A1CF: variants seen among roughly 807,000 people sequenced by gnomAD.
A1CF encodes the protein APOBEC-1 stimulating protein.
Under a neutral mutation model 68.9 loss-of-function variants are expected in A1CF, and 48 were observed. That is an observed-to-expected ratio of 0.70 (90% CI 0.55 to 0.89). The LOEUF (loss-of-function observed/expected upper bound fraction) is 0.89. Among genes scored for constraint, A1CF ranks in the 40% least tolerant of loss-of-function variants. The pLI is 0.00. For synonymous variants in A1CF, 272 were observed against 260.4 expected (o/e 1.04, Z -0.43); for missense variants, 653 against 718.9 (o/e 0.91, Z 1.05).
intron 1 of A1CF, among the ~76,000 whole-genome samples, chr10:50,867,959 T>C (rs980201589): frequency 3.3e-5 from 5 of 152,192 alleles, no homozygotes; most frequent in African/African-American, 4.8e-5. Context: ...CAAAGACTAT[T>C]TCTGACTTGG....
At chr10:50,837,212 C>T (rs1280481075) in intron 5 of A1CF, among the ~76,000 whole-genome samples, 1 of 152,180 alleles carries the variant, frequency 6.6e-6, no homozygotes, top group Admixed American at 6.5e-5. Context: ...GAACTTGAAA[C>T]TCCAAGAAAT....
chr10:50,813,552 T>C (rs1838221985), intron 10 of A1CF, among the ~76,000 whole-genome samples: 1 of 152,102 alleles, frequency 6.6e-6, no homozygotes, highest in African/African-American at 2.4e-5. Context: ...TGAGATGGGG[T>C]CTTTGCCTCA....
chr10:50,858,805 C>T (rs1210385256), intron 3 of A1CF, among the ~76,000 whole-genome samples: 1 of 151,960 alleles, frequency 6.6e-6, no homozygotes, highest in African/African-American at 2.4e-5. Context: ...ACTAATATGT[C>T]AGTATCTCCA....
At chr10:50,856,534 G>A (rs1408918607) in intron 3 of A1CF, among the ~76,000 whole-genome samples, 1 of 152,034 alleles carries the variant, frequency 6.6e-6, no homozygotes, top group Non-Finnish European at 1.5e-5. Flanking sequence ...TTTGTCACAT[G>A]CTCTAGGATG....
At position 50,801,799 on chromosome 10, in the gene A1CF, G is replaced by A. The variant is rs890874581; in HGVS notation, c.*4930C>T. 3 of 152,160 alleles carry A rather than the reference G, an allele frequency of 2.0e-5. No individual in the cohort carries two copies. The highest frequency in any genetic ancestry group is 4.1e-4 in the South Asian group (2 of 4,834). 9.4% of individuals were successfully genotyped at this position (152,160 alleles called of 1,614,324 possible). A position where few individuals can be genotyped will look rare whatever the true frequency, so the allele number is the denominator to read the frequency against. On this transcript the variant is annotated 3_prime_UTR_variant, in exon 13 of 13. Coordinates refer to ENST00000373997, the MANE Select transcript of A1CF (RefSeq NM_014576.4). ...TTCCAGGCATCTTCAGATGAATGAGGTATTTTGGTTTTCAGGTTATTTTCC... is the reference window on the plus strand; with the variant it reads ...TTCCAGGCATCTTCAGATGAATGAGATATTTTGGTTTTCAGGTTATTTTCC...
At chr10:50,866,024 G>A (rs1564530371) in intron 1 of A1CF, among the ~76,000 whole-genome samples, 5 of 152,174 alleles carry the variant, frequency 3.3e-5, no homozygotes, top group Non-Finnish European at 7.3e-5. Context: ...CTTTGGATCA[G>A]CAATTTTATA....
At chr10:50,829,052 T>C (rs1482422784) in intron 6 of A1CF, among the ~76,000 whole-genome samples, 1 of 152,210 alleles carries the variant, frequency 6.6e-6, no homozygotes, top group Non-Finnish European at 1.5e-5. Flanking sequence ...ACACATTTTA[T>C]TGAGTGTCTT....
In A1CF at chr10:50,805,772, G is replaced by A. The variant is rs990273018; in HGVS notation, c.*957C>T. ...GATACTGCAACAATATCAAAGAAATGAGAGCAAATCTGCACTTCTCTCTTT... is the reference window on the plus strand; with the variant it reads ...GATACTGCAACAATATCAAAGAAATAAGAGCAAATCTGCACTTCTCTCTTT... On this transcript the variant is annotated 3_prime_UTR_variant, in exon 13 of 13. Coordinates refer to ENST00000373997, the MANE Select transcript of A1CF (RefSeq NM_014576.4). 6.6e-6 allele frequency: 1 copy of A among 152,180 alleles called. No individual in the cohort carries two copies. The highest frequency in any genetic ancestry group is 6.5e-5 in the Admixed American group (1 of 15,274). 9.4% of individuals were successfully genotyped at this position (152,180 alleles called of 1,614,324 possible). A position where few individuals can be genotyped will look rare whatever the true frequency, so the allele number is the denominator to read the frequency against.
chr10:50,816,040 G>A lies in A1CF; in HGVS notation c.1107C>T (p.Ser369=). 1 of 1,613,774 alleles carries A rather than the reference G, an allele frequency of 6.2e-7. No individual in the cohort carries two copies. Among genetic ancestry groups the A allele is most frequent in the Non-Finnish European group, 8.5e-7 (1 of 1,179,798 alleles). Residue 369 remains serine (S), a synonymous_variant, in exon 9 of 13, where the codon AGC becomes AGT. Coordinates refer to ENST00000373997, the MANE Select transcript of A1CF (RefSeq NM_014576.4). ...AAGGGGCTCGGATAATGGCTCTGTT[G>A]CTGAGATGTCCTTTGGTGGCTGGGA... ...LHFPATKGHL[S]NRAIIRAPSV... is the part of the protein sequence containing the mutation.
chr10:50,832,839 C>T (rs143630422), intron 6 of A1CF, among the ~76,000 whole-genome samples: 2 of 151,518 alleles, frequency 1.3e-5, no homozygotes, highest in Non-Finnish European at 2.9e-5. Context: ...AGAATATGCA[C>T]TCTTTGAGTG....
chr10:50,823,007 G>A (rs898966325), intron 7 of A1CF: 25 of 152,166 alleles, frequency 1.6e-4, no homozygotes, highest in Admixed American at 1.4e-3. Flanking sequence ...ATGGAATAAG[G>A]GAATATTATC....
Position 50,806,820 on chromosome 10 carries a change from G to A in A1CF, c.1670C>T (p.Thr557Ile). ...ATATGCTGCTAAGTCTTGTCCAAGG[G>A]TTACCGCTTGCTTGAGCTGGGCTGC... ...VSAAQLKQAV[T>I]LGQDLAAYTT... is the part of the protein sequence containing the mutation. Residue 557 changes from threonine to isoleucine, a missense_variant, in exon 13 of 13, where the codon ACC becomes ATC. Physicochemically the swap from Thr to Ile is moderately conservative, Grantham distance 89. Coordinates refer to ENST00000373997, the MANE Select transcript of A1CF (RefSeq NM_014576.4). The A allele has an allele frequency of 6.2e-7, 1 of 1,613,650 alleles. No homozygotes were observed.
At chr10:50,818,247 T>C (rs1041585179) in intron 8 of A1CF, among the ~76,000 whole-genome samples, 2 of 152,186 alleles carry the variant, frequency 1.3e-5, no homozygotes, top group South Asian at 4.1e-4. Flanking sequence ...CTTACTAGGC[T>C]AATTTTCCTA....
At chr10:50,819,939 C>A (rs1272300198) in intron 8 of A1CF, among the ~76,000 whole-genome samples, 1 of 152,192 alleles carries the variant, frequency 6.6e-6, no homozygotes, top group African/African-American at 2.4e-5. Context: ...ATTCCTCCAA[C>A]CAACTTTTAA....
At chr10:50,817,335 T>C (rs1256202069) in intron 8 of A1CF, among the ~76,000 whole-genome samples, 2 of 152,162 alleles carry the variant, frequency 1.3e-5, no homozygotes, top group Admixed American at 6.6e-5. Context: ...AGCAGCTGAG[T>C]GTGCACCCTT....
chr10:50,830,407 C>CT (rs1471490249), intron 6 of A1CF, among the ~76,000 whole-genome samples: 1 of 152,088 alleles, frequency 6.6e-6, no homozygotes, highest in African/African-American at 2.4e-5. Context: ...TAAACAAGCT[C>CT]AGTATAGCTG....
At chr10:50,864,634 T>C (rs1840896070) in intron 1 of A1CF, among the ~76,000 whole-genome samples, 1 of 152,158 alleles carries the variant, frequency 6.6e-6, no homozygotes, top group Non-Finnish European at 1.5e-5. Context: ...TACTTTTTTT[T>C]TGAGATGGAG....
chr10:50,859,755 A>G (rs1421434855), intron 3 of A1CF, 87 bp downstream of exon 3: 1 of 1,143,680 alleles, frequency 8.7e-7, no homozygotes, highest in Non-Finnish European at 1.3e-6. Flanking sequence ...GTAACTGACC[A>G]TTCCCATTTT....
intron 3 of A1CF, among the ~76,000 whole-genome samples, chr10:50,845,288 A>G (rs999812913): frequency 2.6e-5 from 4 of 152,192 alleles, no homozygotes; most frequent in African/African-American, 7.2e-5. Flanking sequence ...ATAGAAAAAA[A>G]CCCCAAAACC....
Sources: allele counts gnomAD v4.1 joint callset (sites outside exome capture counted in the v4.1 genomes callset), GRCh38; gene constraint gnomAD v4.1.1; transcripts MANE v1.5; gene names NCBI Gene and HGNC (gene_info 2026-07-23, HGNC 2026-07-21).